Variants in CHD5 observed in about 807,000 individuals in gnomAD.
CHD5 encodes the protein ATP-dependent chromatin remodeler CHD5.
In CHD5, 69 loss-of-function variants were observed where a neutral mutation model predicts 230.3. The ratio of observed to expected loss-of-function variants is 0.30; its 90% CI spans 0.25 to 0.37. The LOEUF (loss-of-function observed/expected upper bound fraction) is 0.37, where lower values mean the gene tolerates loss of function less well. Ranked by LOEUF, CHD5 falls within the 10% of genes least tolerant of loss-of-function variation. CHD5 has a pLI of 1.00. For synonymous variants in CHD5, 1,064 were observed against 1,065.9 expected (o/e 1.00, Z 0.03); for missense variants, 1,827 against 2,622.8 (o/e 0.70, Z 6.63).
At position 6,131,016 on chromosome 1, in the gene CHD5, G is replaced by A. The variant is rs1571149567; in HGVS notation, c.3262+615C>T. On this transcript the variant is annotated intron_variant, in intron 21 of 41. Coordinates refer to ENST00000262450, the MANE Select transcript of CHD5 (RefSeq NM_015557.3). The surrounding 1 kb of genome is among the most constrained non-coding windows in gnomAD (Gnocchi z 5.0). ...TCACTGCTTTGGGCGTTTGGAGAGC[G>A]TGGCCCCAGCCCCTAAGGGCTGACG... is the stretch of plus-strand genomic sequence containing the variant. Among the ~76,000 whole-genome samples the A allele has an allele frequency of 6.6e-6, 1 of 152,266 alleles. No homozygotes were observed. The highest frequency in any genetic ancestry group is 2.1e-4 in the South Asian group (1 of 4,838).
chr1:6,141,147 T>C (rs1199197303), intron 15 of CHD5, among the ~76,000 whole-genome samples: 12 of 149,916 alleles, frequency 8.0e-5, no homozygotes, highest in Non-Finnish European at 1.5e-4. Context: ...CGCTGGGCAT[T>C]GCGGCATGTG....
At chr1:6,161,465 C>T (rs1211509506) in intron 2 of CHD5, among the ~76,000 whole-genome samples, 1 of 152,228 alleles carries the variant, frequency 6.6e-6, no homozygotes, top group African/African-American at 2.4e-5. Flanking sequence ...GCTCCCAAAC[C>T]TCTTAGCCCA....
intron 1 of CHD5, among the ~76,000 whole-genome samples, chr1:6,175,184 ATGAG>A (rs1313259014): frequency 6.9e-6 from 1 of 144,380 alleles, no homozygotes; most frequent in African/African-American, 2.6e-5. Flanking sequence ...GGGTGGATGA[ATGAG>A]TGGTGGATGA....
chr1:6,169,408 G>C (rs938854798), intron 1 of CHD5, among the ~76,000 whole-genome samples: 1 of 152,212 alleles, frequency 6.6e-6, no homozygotes, highest in African/African-American at 2.4e-5. Flanking sequence ...GCAGGCTCGG[G>C]AAGGGAGTAT....
chr1:6,150,989 A>C (rs1300408431), intron 7 of CHD5, 43 bp downstream of exon 7: 1 of 1,471,590 alleles, frequency 6.8e-7, no homozygotes, highest in South Asian at 1.5e-5. Context: ...GCCCCACTAC[A>C]TCCACCCAGC....
At chr1:6,170,530 G>T (rs972142094) in intron 1 of CHD5, among the ~76,000 whole-genome samples, 11 of 152,180 alleles carry the variant, frequency 7.2e-5, no homozygotes, top group South Asian at 2.1e-4. Context: ...GGAAGGTGGG[G>T]GCTGCACCAC....
At position 6,155,655 on chromosome 1, in the gene CHD5, G is replaced by A. The variant is rs781681453; in HGVS notation, c.450C>T (p.Phe150=). The A allele has an allele frequency of 1.2e-6, 2 of 1,614,112 alleles. No individual in the cohort carries two copies. The highest frequency in any genetic ancestry group is 1.7e-6 in the Non-Finnish European group (2 of 1,180,012). The part of the protein sequence containing the change: ...EWGLDDVDYL[F]SEEDYHTLTN... ...TCAGCGTGTGGTAATCCTCCTCCGA[G>A]AACAGGTAGTCCACGTCGTCCAGGC... Residue 150 remains phenylalanine, a synonymous_variant, in exon 4 of 42, where the codon TTC becomes TTT. Coordinates refer to ENST00000262450, the MANE Select transcript of CHD5 (RefSeq NM_015557.3). The surrounding 1 kb of genome is among the most constrained non-coding windows in gnomAD (Gnocchi z 4.0).
At chr1:6,169,363 G>C (rs1158603049) in intron 1 of CHD5, among the ~76,000 whole-genome samples, 1 of 152,228 alleles carries the variant, frequency 6.6e-6, no homozygotes, top group African/African-American at 2.4e-5. Context: ...CACCTCACCT[G>C]CACTGACTCG....
At chr1:6,111,914 G>A (rs767155417) in intron 35 of CHD5, 31 bp from the exon 36 acceptor site, 3 of 1,591,808 alleles carry the variant, frequency 1.9e-6, no homozygotes, top group Non-Finnish European at 2.6e-6. Context: ...AGCAGGGTGA[G>A]AAGTGCCCCA....
At position 6,148,050 on chromosome 1, in the gene CHD5, C is replaced by T. The variant is rs530366529; in HGVS notation, c.1383+804G>A. Among the ~76,000 whole-genome samples the T allele has an allele frequency of 4.9e-4, 74 of 152,162 alleles. 1 individual carries two copies. Among genetic ancestry groups the T allele is most frequent in the African/African-American group, 1.8e-3 (73 of 41,494 alleles). On this transcript the variant is annotated intron_variant, in intron 9 of 41. Coordinates refer to ENST00000262450, the MANE Select transcript of CHD5 (RefSeq NM_015557.3). ...TCCTAGGAAAGCACAGAAGGCTGCA[C>T]CCCTCAAAAGGGTCCTCCCCTGGCC...
At chr1:6,118,089 TGG>T (rs1666404730) in intron 33 of CHD5, among the ~76,000 whole-genome samples, 2 of 152,140 alleles carry the variant, frequency 1.3e-5, no homozygotes, top group Admixed American at 1.3e-4. Context: ...GAATATTATT[TGG>T]GCATAAAAAG....
rs928673948 is a variant in CHD5, at chr1:6,121,037, T to G, written c.4912+68A>C. 3 of 1,472,874 alleles carry G rather than the reference T, an allele frequency of 2.0e-6. No homozygotes were observed. The highest frequency in any genetic ancestry group is 1.4e-5 in the African/African-American group (1 of 70,456). The allele number at this position is 1,472,874 out of a possible 1,614,324, so 91.2% of individuals were successfully genotyped here. ...TGAGCGGAAGTACAGCCACCTGCCC[T>G]TCTCTGAACCCAGGCCTGCTGAGGC... On this transcript the variant is annotated intron_variant, in intron 33 of 41. Transcript: ENST00000262450. This position sits in a 1 kb window ranked among gnomAD's most constrained non-coding sequence, Gnocchi z 4.5.
chr1:6,175,622 T>C (rs1667414266), intron 1 of CHD5, among the ~76,000 whole-genome samples: 1 of 151,040 alleles, frequency 6.6e-6, no homozygotes, highest in South Asian at 2.1e-4. Context: ...GATGAATGAA[T>C]GGTGGGAAGC....
In CHD5 at chr1:6,159,407, T is replaced by C. The variant is rs1284881155; in HGVS notation, c.316A>G (p.Lys106Glu). 2 of 1,556,866 alleles carry C rather than the reference T, an allele frequency of 1.3e-6. No homozygotes were observed. The highest frequency in any genetic ancestry group is 2.4e-5 in the East Asian group (1 of 41,630). ...NKKKKKKLKD[K>E]KEKKAKRKKK... ...TTTCGCTTGGCTTTTTTCTCCTTCTTGTCCTTGAGTTTCTTCTTCTTCTTT... is the reference window on the plus strand; with the variant it reads ...TTTCGCTTGGCTTTTTTCTCCTTCTCGTCCTTGAGTTTCTTCTTCTTCTTT... The change falls in exon 3 of 42, where the codon AAG (lysine) becomes GAG (glutamate). Residue 106 changes from lysine to glutamate, a missense_variant. By Grantham distance (56) the Lys-to-Glu change is moderately conservative (BLOSUM62 1). Coordinates refer to ENST00000262450, the MANE Select transcript of CHD5 (RefSeq NM_015557.3).
chr1:6,142,670 C>A lies in CHD5; in HGVS notation c.2044-65G>T. ...GGGCCACCAGAGTCCACACTACAGG[C>A]CTTTGCACATGCAATTCCTTCTGCC... On this transcript the variant is annotated intron_variant, in intron 13 of 41. Coordinates refer to ENST00000262450, the MANE Select transcript of CHD5 (RefSeq NM_015557.3). The surrounding 1 kb of genome is among the most constrained non-coding windows in gnomAD (Gnocchi z 5.2). The A allele has an allele frequency of 4.7e-6, 7 of 1,490,646 alleles. No homozygotes were observed. The highest frequency in any genetic ancestry group is 6.4e-6 in the Non-Finnish European group (7 of 1,101,838). The allele number at this position is 1,490,646 out of a possible 1,614,324, so 92.3% of individuals were successfully genotyped here. A position where few individuals can be genotyped will look rare whatever the true frequency, so the allele number is the denominator to read the frequency against.
rs1478026899 is a variant in CHD5, at chr1:6,102,121, C to T, written c.*3353G>A. On this transcript the variant is annotated 3_prime_UTR_variant, in exon 42 of 42. Coordinates refer to ENST00000262450, the MANE Select transcript of CHD5 (RefSeq NM_015557.3). ...TCCACACCCCTGAACTCAGACCCCA[C>T]GGGCCAGTGGGGACCCTCCCTTCCT... 3.9e-5 allele frequency: 13 copies of T among 334,912 alleles called. No homozygotes were observed. Among genetic ancestry groups the T allele is most frequent in the Non-Finnish European group, 6.6e-5 (11 of 166,216 alleles). The allele number at this position is 334,912 out of a possible 1,614,324, so 20.7% of individuals were successfully genotyped here. A position where few individuals can be genotyped will look rare whatever the true frequency, so the allele number is the denominator to read the frequency against.
At chr1:6,172,788 C>G (rs1228915000) in intron 1 of CHD5, among the ~76,000 whole-genome samples, 1 of 152,188 alleles carries the variant, frequency 6.6e-6, no homozygotes, top group Non-Finnish European at 1.5e-5. Context: ...CCACACTAGT[C>G]CCCCTGCACA....
chr1:6,121,635 A>G lies in CHD5; in HGVS notation c.4700-62T>C. The G allele has an allele frequency of 7.9e-7, 1 of 1,273,064 alleles. No individual in the cohort carries two copies. Among genetic ancestry groups the G allele is most frequent in the Non-Finnish European group, 1.1e-6 (1 of 891,900 alleles). The allele number at this position is 1,273,064 out of a possible 1,614,324, so 78.9% of individuals were successfully genotyped here. On this transcript the variant is annotated intron_variant, in intron 31 of 41. Coordinates refer to ENST00000262450, the MANE Select transcript of CHD5 (RefSeq NM_015557.3). This position sits in a 1 kb window ranked among gnomAD's most constrained non-coding sequence, Gnocchi z 4.5. ...TCAGACGGGAAGGAGTAGGGCAGGG[A>G]GTGGGGTGGCAGAGAGGAGAGATGG...
chr1:6,127,078 C>CCTG, intron 25 of CHD5: 1 of 362,978 alleles, frequency 2.8e-6, no homozygotes, highest in Non-Finnish European at 5.1e-6. Flanking sequence ...AGGTCATGGG[C>CCTG]TCACCAGGTC....
Sources: gnomAD v4.1 joint callset for allele counts (sites outside exome capture counted in the v4.1 genomes callset) on GRCh38, gnomAD v4.1.1 for gene constraint, Gnocchi (gnomAD v3.1) non-coding constraint, MANE v1.5 for transcripts, NCBI Gene and HGNC (gene_info 2026-07-23, HGNC 2026-07-21) for gene names.